PIEZO1: variants seen among roughly 807,000 people sequenced by gnomAD.
The protein encoded by PIEZO1 is piezo type mechanosensitive ion channel component 1 (Er blood group), also known as piezo-type mechanosensitive ion channel component 1.
PIEZO1 carries 296 observed loss-of-function variants against 297.2 expected under a neutral mutation model. The observed-to-expected ratio is 1.00, with a 90% CI of 0.91 to 1.10. The LOEUF is 1.10. Among genes scored for constraint, PIEZO1 ranks in the 50% least tolerant of loss-of-function variants. The probability of loss-of-function intolerance (pLI) is 0.00; values close to 1 mark genes in which losing one functional copy is unlikely to be tolerated. For synonymous variants in PIEZO1, 2,427 were observed against 1,507.5 expected, an observed-to-expected ratio of 1.61 and a Z score of -14.13; for missense variants, 5,018 against 3,455.5, an observed-to-expected ratio of 1.45 and a Z score of -11.34.
At chr16:88,765,044 C>G (rs552609696) in intron 1 of PIEZO1, among the ~76,000 whole-genome samples, 9 of 152,350 alleles carry the variant, frequency 5.9e-5, no homozygotes, top group African/African-American at 1.4e-4. Flanking sequence ...CTCAGCGGTG[C>G]TGGACCCAGG....
rs1170181626 is a variant in PIEZO1 at position 88,737,708 on chromosome 16, C to T, written c.1107+20G>A. On this transcript the variant is annotated intron_variant, in intron 9 of 50. Transcript: ENST00000301015. ...CCGGGCGCCCCCCACGCTGGCGTCTCCACCTGCCTGGCTGCTCACCTGGTC... is the reference window on the plus strand; with the variant it reads ...CCGGGCGCCCCCCACGCTGGCGTCTTCACCTGCCTGGCTGCTCACCTGGTC... 2.3e-5 allele frequency: 36 copies of T among 1,534,672 alleles called. No homozygotes were observed. The highest frequency in any genetic ancestry group is 3.0e-5 in the Non-Finnish European group (34 of 1,145,976).
At chr16:88,726,193 C>A in intron 27 of PIEZO1, 91 bp downstream of exon 27, 1 of 1,131,740 alleles carries the variant, frequency 8.8e-7, no homozygotes, top group South Asian at 1.6e-5. Context: ...CTGCCCTCCA[C>A]GGGCCGGGGC....
At chr16:88,722,471 G>A (rs1284637528) in intron 35 of PIEZO1, 74 bp from the exon 36 acceptor site, 5 of 1,445,334 alleles carry the variant, frequency 3.5e-6, no homozygotes, top group African/African-American at 2.8e-5. Context: ...GGTCAGGGTG[G>A]AAAGTGCCCA....
rs767008018 is a variant in PIEZO1, at chr16:88,719,989, C to T, written c.6165-29G>A. ...GGGCGGGATGGCCAGGTCAAGGACC[C>T]CATCAGAAACAGCCCCGCAGGGCCC... On this transcript the variant is annotated intron_variant, in intron 42 of 50. Transcript: ENST00000301015. The T allele has an allele frequency of 6.5e-6, 10 of 1,549,606 alleles. No individual in the cohort carries two copies. The African/African-American group carries it at 1.2e-4, about 19-fold the overall frequency.
At position 88,734,543 on chromosome 16, in the gene PIEZO1, G is replaced by A. The variant is rs188058617; in HGVS notation, c.1998-5C>T. ...TCCAGGCCCAGGTCCCCCAGCCTGT[G>A]GAGGGGCAGCATCAGCACCGGCCCG... On this transcript the variant is annotated splice_region_variant and splice_polypyrimidine_tract_variant and intron_variant, in intron 15 of 50. Transcript: ENST00000301015. The A allele has an allele frequency of 6.2e-4, 960 of 1,542,376 alleles. 6 individuals are homozygous for A. In the African/African-American group the frequency reaches 0.012, roughly 19 times the overall value.
At chr16:88,717,283 C>G in intron 44 of PIEZO1, 72 bp from the exon 45 acceptor site, 2 of 1,396,720 alleles carry the variant, frequency 1.4e-6, no homozygotes, top group Non-Finnish European at 2.0e-6. Flanking sequence ...CATTCTCCAG[C>G]TCACCCAGCA....
In PIEZO1 at chr16:88,721,538, C is replaced by T. The variant is rs751878719; in HGVS notation, c.5403G>A (p.Leu1801=). ...ATTGCCAGCCAAGGCTCACACTCACCAGCAGCTGGGAGCGGTGGAAGAAAA... is the reference window on the plus strand; with the variant it reads ...ATTGCCAGCCAAGGCTCACACTCACTAGCAGCTGGGAGCGGTGGAAGAAAA... ...MALFFHRSQL[L]CYGLWDHEED... Residue 1801 remains leucine, a splice_region_variant and synonymous_variant, in exon 38 of 51, where the codon CTG becomes CTA. Transcript: ENST00000301015. The T allele has an allele frequency of 1.7e-4, 260 of 1,548,218 alleles. No individual in the cohort carries two copies. Among genetic ancestry groups the T allele is most frequent in the Non-Finnish European group, 2.1e-4 (235 of 1,145,548 alleles).
intron 30 of PIEZO1, 51 bp downstream of exon 30, chr16:88,724,958 G>A: frequency 8.6e-7 from 1 of 1,158,908 alleles, no homozygotes; most frequent in South Asian, 1.7e-5. Context: ...AGGACAGATG[G>A]GGGCACAGAG....
Position 88,726,235 on chromosome 16 carries a change from T to C in PIEZO1, c.3968+49A>G, listed in dbSNP as rs535663787. The C allele has an allele frequency of 2.5e-4, 370 of 1,479,454 alleles. 3 individuals are homozygous for C. The South Asian group carries it at 4.6e-3, about 18-fold the overall frequency. 91.6% of individuals were successfully genotyped at this position (1,479,454 alleles called of 1,614,324 possible). ...CAGTGAGGAACCTCCCATTGCCCCC[T>C]CCCAGCCCCAAGACGGGAGCTCTGG... is the stretch of plus-strand genomic sequence containing the variant. On this transcript the variant is annotated intron_variant, in intron 27 of 50. Coordinates refer to ENST00000301015, the MANE Select transcript of PIEZO1 (RefSeq NM_001142864.4).
intron 44 of PIEZO1, chr16:88,717,676 C>T (rs1567658026): frequency 6.9e-6 from 3 of 437,232 alleles, no homozygotes; most frequent in South Asian, 3.3e-5. Flanking sequence ...CTTTGTGCTT[C>T]CAAAGACACC....
chr16:88,770,515 G>C (rs375940857), intron 1 of PIEZO1, among the ~76,000 whole-genome samples: 1 of 152,232 alleles, frequency 6.6e-6, no homozygotes, highest in African/African-American at 2.4e-5. Flanking sequence ...CCTCAGGGGC[G>C]GCTCCAGAAC....
chr16:88,757,325 GGT>G (rs1491437730), intron 1 of PIEZO1, among the ~76,000 whole-genome samples: 11,164 of 83,504 alleles, frequency 0.13, 1,697 homozygotes, highest in South Asian at 0.2. Context: ...CTGGCGGGGG[GGT>G]GGGGGGTAGT....
At chr16:88,737,247 A>G in intron 10 of PIEZO1, 1 of 349,554 alleles carries the variant, frequency 2.9e-6, no homozygotes. Flanking sequence ...TAACAGCACA[A>G]GACAGCATAG....
chr16:88,721,739 G>T lies in PIEZO1; in HGVS notation c.5215-13C>A, dbSNP rs1326619399. 6.5e-7 allele frequency: 1 copy of T among 1,537,040 alleles called. No individual in the cohort carries two copies. Among genetic ancestry groups the T allele is most frequent in the Non-Finnish European group, 8.8e-7 (1 of 1,140,608 alleles). On this transcript the variant is annotated splice_polypyrimidine_tract_variant and intron_variant, in intron 37 of 50. Coordinates refer to ENST00000301015, the MANE Select transcript of PIEZO1 (RefSeq NM_001142864.4). Reference sequence around the variant, plus strand: ...CGACCACCGCGATCTGTGGGGGAGGGGGCTCAGCACGCGGGGAGGGTCACG... The same window carrying T: ...CGACCACCGCGATCTGTGGGGGAGGTGGCTCAGCACGCGGGGAGGGTCACG...
chr16:88,727,525 C>T, intron 23 of PIEZO1, 32 bp downstream of exon 23: 1 of 839,712 alleles, frequency 1.2e-6, no homozygotes, highest in African/African-American at 1.7e-5. Flanking sequence ...TGAGGGTCCT[C>T]TGCAGAGGCG....
At chr16:88,730,396 A>C (rs1421364196) in intron 22 of PIEZO1, among the ~76,000 whole-genome samples, 1 of 151,942 alleles carries the variant, frequency 6.6e-6, no homozygotes, top group East Asian at 1.9e-4. Flanking sequence ...TCAGGAGTTC[A>C]AGACCAGCCT....
chr16:88,726,965 G>C lies in PIEZO1; in HGVS notation c.3456-7C>G, dbSNP rs777332204. ...CAGCATGTCAAGGTAGGACCTGCCA[G>C]GCCGGAGCGTCAGGGCGGGCGCCCC... On this transcript the variant is annotated splice_polypyrimidine_tract_variant and splice_region_variant and intron_variant, in intron 24 of 50. Coordinates refer to ENST00000301015, the MANE Select transcript of PIEZO1 (RefSeq NM_001142864.4). The C allele has an allele frequency of 6.5e-7, 1 of 1,550,204 alleles. No homozygotes were observed. The highest frequency in any genetic ancestry group is 2.0e-5 in the Admixed American group (1 of 51,014).
intron 36 of PIEZO1, 43 bp downstream of exon 36, chr16:88,722,175 G>C (rs774237388): frequency 6.5e-7 from 1 of 1,530,706 alleles, no homozygotes; most frequent in African/African-American, 1.4e-5. Flanking sequence ...GCTGCTCCCC[G>C]AGGGCCATGG....
chr16:88,747,005 G>T (rs1906096122), intron 2 of PIEZO1, among the ~76,000 whole-genome samples: 2 of 152,170 alleles, frequency 1.3e-5, no homozygotes, highest in South Asian at 4.1e-4. Flanking sequence ...GCGACTCCCA[G>T]CACTCGGCCG....
Sources: gnomAD v4.1 joint callset for allele counts (sites outside exome capture counted in the v4.1 genomes callset) on GRCh38, gnomAD v4.1.1 for gene constraint, MANE v1.5 for transcripts, NCBI Gene and HGNC (gene_info 2026-07-23, HGNC 2026-07-21) for gene names.